Variants in ELP3 observed in about 807,000 individuals in gnomAD.
The protein encoded by ELP3 is elongator acetyltransferase complex subunit 3.
ELP3 carries 56 observed loss-of-function variants against 74.9 expected under a neutral mutation model. The ratio of observed to expected loss-of-function variants is 0.75; its 90% CI spans 0.60 to 0.93. The LOEUF (loss-of-function observed/expected upper bound fraction) is 0.93, where lower values mean the gene tolerates loss of function less well. Among genes scored for constraint, ELP3 ranks in the 40% least tolerant of loss-of-function variants. The pLI is 0.00. For missense variants in ELP3, 573 were observed against 686.5 expected (o/e 0.83, Z 1.85); for synonymous variants, 222 against 239.8 (o/e 0.93, Z 0.68).
At chr8:28,151,898 T>C (rs958327009) in intron 10 of ELP3, among the ~76,000 whole-genome samples, 7 of 152,348 alleles carry the variant, frequency 4.6e-5, no homozygotes, top group Non-Finnish European at 1.0e-4. Flanking sequence ...CTGGCCAGGT[T>C]ACTGGAGGTA....
intron 1 of ELP3, among the ~76,000 whole-genome samples, chr8:28,093,894 T>A (rs1811147215): frequency 1.3e-5 from 2 of 152,226 alleles, no homozygotes; most frequent in Non-Finnish European, 2.9e-5. Flanking sequence ...TCGGTATCAT[T>A]TCCATTTTAC....
chr8:28,135,368 T>C lies in ELP3; in HGVS notation c.907-2330T>C, dbSNP rs144865136. Among the ~76,000 whole-genome samples, 1,405 of 152,318 alleles carry C rather than the reference T, an allele frequency of 9.2e-3. 24 individuals are homozygous for C. The highest frequency in any genetic ancestry group is 0.031 in the African/African-American group (1,306 of 41,568). ...TCTTTCTTTATGGGATTCCTAAATG[T>C]CAGTATCGTGAACTCTTACGTAGAG... On this transcript the variant is annotated intron_variant, in intron 9 of 14. Coordinates refer to ENST00000256398, the MANE Select transcript of ELP3 (RefSeq NM_018091.6).
intron 11 of ELP3, among the ~76,000 whole-genome samples, chr8:28,158,050 CAAAAAAAA>C (rs11323782): frequency 3.2e-5 from 3 of 93,664 alleles, no homozygotes; most frequent in Non-Finnish European, 4.3e-5. Flanking sequence ...GCCCTTCTTG[CAAAAAAAA>C]AAAAAAAAAA....
rs971523784 is a variant in ELP3 at position 28,190,402 on chromosome 8, CTTT to C, written c.*678_*680del. 2.0e-5 allele frequency: 3 copies of C among 152,222 alleles called. No individual in the cohort carries two copies. Among genetic ancestry groups the C allele is most frequent in the African/African-American group, 7.2e-5 (3 of 41,420 alleles). The allele number at this position is 152,222 out of a possible 1,614,324, so 9.4% of individuals were successfully genotyped here. ...ATGACAAAGAGCTTCATTCCACATT[CTTT>C]GTTATCTCTACTTCCCACCCTCTTG... On this transcript the variant is annotated 3_prime_UTR_variant, in exon 15 of 15. Transcript: ENST00000256398.
chr8:28,093,156 G>T lies in ELP3; in HGVS notation c.-59G>T, dbSNP rs1811108572. On this transcript the variant is annotated 5_prime_UTR_variant, in exon 1 of 15. Transcript: ENST00000256398. ...TGTTTTGTGGCTGTCAGCTTTCCCC[G>T]TGGTCTGAGTTTGTGGCTGCATTTT... is the stretch of plus-strand genomic sequence containing the variant. 6.2e-7 allele frequency: 1 copy of T among 1,601,162 alleles called. No homozygotes were observed. Among genetic ancestry groups the T allele is most frequent in the Non-Finnish European group, 8.5e-7 (1 of 1,175,676 alleles).
intron 10 of ELP3, among the ~76,000 whole-genome samples, chr8:28,142,394 T>C (rs1206293995): frequency 6.6e-6 from 1 of 152,178 alleles, no homozygotes; most frequent in Non-Finnish European, 1.5e-5. Flanking sequence ...CTGTCACATA[T>C]GTTTCTCTAT....
chr8:28,135,956 G>C (rs926623445), intron 9 of ELP3, among the ~76,000 whole-genome samples: 4 of 145,016 alleles, frequency 2.8e-5, no homozygotes, highest in African/African-American at 1.0e-4. Flanking sequence ...ATTCTTTCCT[G>C]TTCCTTTTTT....
intron 14 of ELP3, among the ~76,000 whole-genome samples, chr8:28,188,881 A>C (rs1815345499): frequency 6.6e-6 from 1 of 152,104 alleles, no homozygotes; most frequent in Admixed American, 6.5e-5. Context: ...TGGTGTCTGA[A>C]GTTGGGGGCA....
chr8:28,136,380 T>G (rs1011424893), intron 9 of ELP3, among the ~76,000 whole-genome samples: 1 of 152,244 alleles, frequency 6.6e-6, no homozygotes, highest in African/African-American at 2.4e-5. Flanking sequence ...TGTATCAGCC[T>G]GTATGTCTCC....
chr8:28,173,362 C>G (rs997600226), intron 14 of ELP3, among the ~76,000 whole-genome samples: 4 of 151,834 alleles, frequency 2.6e-5, no homozygotes, highest in African/African-American at 9.7e-5. Flanking sequence ...AAATTTGTTT[C>G]ATCTAGGTTA....
intron 1 of ELP3, among the ~76,000 whole-genome samples, chr8:28,096,015 A>G (rs1334918348): frequency 1.3e-5 from 2 of 152,214 alleles, no homozygotes; most frequent in African/African-American, 4.8e-5. Flanking sequence ...CCCATCACTC[A>G]TGTTACTGCC....
chr8:28,093,109 GA>G, upstream of ELP3: 2 of 1,557,966 alleles, frequency 1.3e-6, no homozygotes, highest in Non-Finnish European at 1.7e-6. Context: ...TACATTGACC[GA>G]CATTTTACGA....
intron 3 of ELP3, among the ~76,000 whole-genome samples, chr8:28,105,695 C>T (rs4732820): frequency 0.27 from 40,383 of 152,150 alleles, 5,953 homozygotes; most frequent in Admixed American, 0.33. Flanking sequence ...TGATTGGCCA[C>T]AATACCTTTA....
At chr8:28,141,202 C>A (rs752021042) in intron 10 of ELP3, among the ~76,000 whole-genome samples, 8 of 152,166 alleles carry the variant, frequency 5.3e-5, no homozygotes, top group Non-Finnish European at 8.8e-5. Flanking sequence ...GGCAGCTGAT[C>A]AAAGTGAACA....
intron 10 of ELP3, among the ~76,000 whole-genome samples, chr8:28,152,163 G>A (rs1318818832): frequency 6.6e-6 from 1 of 152,080 alleles, no homozygotes; most frequent in Non-Finnish European, 1.5e-5. Context: ...AGTTTACCTT[G>A]TGTCTTCCCC....
At chr8:28,169,929 G>A (rs917259020) in intron 14 of ELP3, among the ~76,000 whole-genome samples, 1 of 152,134 alleles carries the variant, frequency 6.6e-6, no homozygotes, top group African/African-American at 2.4e-5. Context: ...AGGGCTGCTT[G>A]TCACATGATG....
At chr8:28,091,131 C>T (rs1393784562), upstream of ELP3, among the ~76,000 whole-genome samples, 3 of 152,062 alleles carry the variant, frequency 2.0e-5, no homozygotes, top group Non-Finnish European at 4.4e-5. Flanking sequence ...TGGTCTTGAT[C>T]TCCTGACCTT....
chr8:28,137,137 A>G (rs189888341), intron 9 of ELP3, among the ~76,000 whole-genome samples: 40 of 152,322 alleles, frequency 2.6e-4, no homozygotes, highest in Non-Finnish European at 4.4e-4. Flanking sequence ...TGTAAGCTAG[A>G]TGATCTCTGT....
At chr8:28,120,295 A>G (rs1812318295) in intron 7 of ELP3, among the ~76,000 whole-genome samples, 1 of 152,190 alleles carries the variant, frequency 6.6e-6, no homozygotes, top group Admixed American at 6.5e-5. Context: ...GTATAATGGT[A>G]TCTCGTGGTT....
Sources: allele counts gnomAD v4.1 joint callset (sites outside exome capture counted in the v4.1 genomes callset), GRCh38; gene constraint gnomAD v4.1.1; transcripts MANE v1.5; gene names NCBI Gene and HGNC (gene_info 2026-07-23, HGNC 2026-07-21).